Variants in PALB2 observed in about 807,000 individuals in gnomAD.
PALB2 encodes the protein mutant partner and localizer of BRCA2.
A neutral mutation model predicts 107.4 loss-of-function variants in PALB2; 82 were observed. That is an observed-to-expected ratio of 0.76 (90% CI 0.64 to 0.92). The LOEUF is 0.92. PALB2 is among the 40% of genes least tolerant of loss of function. The pLI, the probability that PALB2 is intolerant of heterozygous loss-of-function variation, is 0.00. For synonymous variants in PALB2, 489 were observed against 496.8 expected (o/e 0.98, Z 0.21); for missense variants, 1,374 against 1,379.9 (o/e 1.00, Z 0.07).
chr16:23,608,898 G>A (rs2142279186), intron 11 of PALB2, among the ~76,000 whole-genome samples: 1 of 151,474 alleles, frequency 6.6e-6, no homozygotes, highest in African/African-American at 2.4e-5. Context: ...TGCGATCTCA[G>A]CTCACTGCAA....
At chr16:23,613,920 G>T in intron 11 of PALB2, 84 bp downstream of exon 11, 1 of 1,017,110 alleles carries the variant, frequency 9.8e-7, no homozygotes, top group Non-Finnish European at 1.5e-6. Flanking sequence ...GGGAAGGTTT[G>T]TTCATTACTG....
intron 4 of PALB2, among the ~76,000 whole-genome samples, chr16:23,634,242 T>G (rs1267872030): frequency 6.6e-6 from 1 of 152,250 alleles, no homozygotes. Context: ...TAAAGTTATT[T>G]TAATCTCCCT....
At chr16:23,614,950 T>C (rs990710231) in intron 10 of PALB2, among the ~76,000 whole-genome samples, 2 of 131,448 alleles carry the variant, frequency 1.5e-5, no homozygotes, top group African/African-American at 5.8e-5. Flanking sequence ...GCGCCTGGCC[T>C]TTTTTTTTTT....
intron 6 of PALB2, among the ~76,000 whole-genome samples, chr16:23,627,066 C>CG (rs1380403937): frequency 1.6e-4 from 24 of 152,092 alleles, no homozygotes; most frequent in Admixed American, 6.6e-4. Flanking sequence ...TGTTATTCCT[C>CG]GGAGGGAGTA....
chr16:23,626,109 G>T (rs1231784690), intron 7 of PALB2, 127 bp downstream of exon 7: 4 of 1,087,338 alleles, frequency 3.7e-6, no homozygotes, highest in Non-Finnish European at 5.5e-6. Flanking sequence ...ATAATAAAAT[G>T]TTGGGAAAAA....
intron 11 of PALB2, among the ~76,000 whole-genome samples, chr16:23,612,677 C>A (rs977884093): frequency 1.3e-5 from 2 of 152,088 alleles, no homozygotes; most frequent in Admixed American, 1.3e-4. Flanking sequence ...CAGCTGCATG[C>A]CACCATGCCT....
rs886039480 is a variant in PALB2 at position 23,629,786 on chromosome 16, G to A, written c.2368C>T (p.Gln790Ter). 2 of 1,614,196 alleles carry A rather than the reference G, an allele frequency of 1.2e-6. No individual in the cohort carries two copies. The highest frequency in any genetic ancestry group is 1.7e-6 in the Non-Finnish European group (2 of 1,180,030). ...GSPAKPHTTLQVSGRQGQPTC... is the reference protein window; with the variant it reads ...GSPAKPHTTL ...GGTTGTCCTTGCCTGCCTGACACTT[G>A]CAGGGTGGTATGTGGTTTTGCTGGG... The change falls in exon 5 of 13, where the codon CAA (glutamine) becomes TAA (stop). Residue 790 changes from glutamine to a stop codon, truncating the protein, a stop_gained. Coordinates refer to ENST00000261584, the MANE Select transcript of PALB2 (RefSeq NM_024675.4). LOFTEE classifies it high-confidence loss of function.
chr16:23,637,831 G>T lies in PALB2; in HGVS notation c.211+19C>A. 6.3e-7 allele frequency: 1 copy of T among 1,574,950 alleles called. No homozygotes were observed. ...GAAATGAATAATAAAGCAGGCATAAGTGAATGGTCTAGATTTACCTGAGTG... is the reference window on the plus strand; with the variant it reads ...GAAATGAATAATAAAGCAGGCATAATTGAATGGTCTAGATTTACCTGAGTG... On this transcript the variant is annotated intron_variant, in intron 3 of 12. Coordinates refer to ENST00000261584, the MANE Select transcript of PALB2 (RefSeq NM_024675.4).
chr16:23,614,083 T>A lies in PALB2; in HGVS notation c.3122A>T (p.Lys1041Ile). 1 of 1,606,954 alleles carries A rather than the reference T, an allele frequency of 6.2e-7. No homozygotes were observed. The highest frequency in any genetic ancestry group is 8.5e-7 in the Non-Finnish European group (1 of 1,173,770). ...IMNNIVIWNLKTGQLLKKMHI... is the reference protein window; with the variant it reads ...IMNNIVIWNLITGQLLKKMHI... ...CATCTTTTTCAGGAGTTGACCAGTT[T>A]TTAAATTCCTTAGATAACAAAAATA... is the stretch of plus-strand genomic sequence containing the variant. Residue 1041 changes from lysine to isoleucine, a missense_variant, in exon 11 of 13, where the codon AAA (lysine) becomes ATA (isoleucine). Coordinates refer to ENST00000261584, the MANE Select transcript of PALB2 (RefSeq NM_024675.4).
In PALB2 at chr16:23,638,133, G is replaced by A. The variant is rs762518243; in HGVS notation, c.49-4C>T. ...AGAATGCTAATTTCTCCTTTAACTGGAAGAAGAAAAACACCAACAATACTG... is the reference window on the plus strand; with the variant it reads ...AGAATGCTAATTTCTCCTTTAACTGAAAGAAGAAAAACACCAACAATACTG... On this transcript the variant is annotated splice_region_variant and splice_polypyrimidine_tract_variant and intron_variant, in intron 1 of 12. Transcript: ENST00000261584. 3 of 1,612,874 alleles carry A rather than the reference G, an allele frequency of 1.9e-6. No individual in the cohort carries two copies. In the African/African-American group the frequency reaches 4.0e-5, roughly 22 times the overall value.
At chr16:23,638,176 A>T (rs767374972) in intron 1 of PALB2, 47 bp from the exon 2 acceptor site, 7 of 1,515,012 alleles carry the variant, frequency 4.6e-6, no homozygotes, top group South Asian at 1.1e-5. Context: ...GGAAAGGTGG[A>T]GTCAGAGGGA....
intron 4 of PALB2, among the ~76,000 whole-genome samples, chr16:23,633,853 A>C (rs1278784487): frequency 6.6e-6 from 1 of 151,940 alleles, no homozygotes; most frequent in African/African-American, 2.4e-5. Flanking sequence ...ACAGGCATAT[A>C]CCACCACACC....
intron 4 of PALB2, among the ~76,000 whole-genome samples, chr16:23,631,674 T>C (rs1196172971): frequency 6.6e-6 from 1 of 152,206 alleles, no homozygotes; most frequent in African/African-American, 2.4e-5. Flanking sequence ...TATTTCATTT[T>C]CCCTTTTCTC....
At chr16:23,631,298 A>AC (rs1235462042) in intron 4 of PALB2, among the ~76,000 whole-genome samples, 4 of 146,696 alleles carry the variant, frequency 2.7e-5, no homozygotes, top group Non-Finnish European at 6.0e-5. Context: ...AAAAAAAAAA[A>AC]AAAAAAACTA....
chr16:23,608,749 G>C (rs1247672698), intron 11 of PALB2, among the ~76,000 whole-genome samples: 1 of 149,444 alleles, frequency 6.7e-6, no homozygotes, highest in Non-Finnish European at 1.5e-5. Flanking sequence ...TTCTCTCCTG[G>C]CTTTAAAATT....
In PALB2 at chr16:23,626,344, G is replaced by A. The variant is rs752928633; in HGVS notation, c.2640C>T (p.Ala880=). The change falls in exon 7 of 13, where the codon GCC becomes GCT. Residue 880 remains alanine, a synonymous_variant. Transcript: ENST00000261584. The stretch of plus-strand genomic sequence containing the variant: ...TTATGATACATGGCTCTTTACAACC[G>A]GCTCTTTCCCAAAACATGGCACTCA... The part of the protein sequence containing the change: ...VDVSAMFWER[A]GCKEPCIITA... 7.4e-6 allele frequency: 12 copies of A among 1,613,966 alleles called. No individual in the cohort carries two copies. The highest frequency in any genetic ancestry group is 4.4e-5 in the South Asian group (4 of 91,088).
chr16:23,627,261 G>A (rs544030223), intron 6 of PALB2, among the ~76,000 whole-genome samples: 5 of 151,860 alleles, frequency 3.3e-5, no homozygotes, highest in African/African-American at 1.2e-4. Flanking sequence ...GCCGAGGCGG[G>A]TGGATCATGA....
At chr16:23,624,510 A>G (rs1162399838) in intron 7 of PALB2, among the ~76,000 whole-genome samples, 1 of 152,174 alleles carries the variant, frequency 6.6e-6, no homozygotes, top group African/African-American at 2.4e-5. Flanking sequence ...ACTCTACAGG[A>G]ACAAGGAAAT....
At chr16:23,638,234 C>G in intron 1 of PALB2, 105 bp from the exon 2 acceptor site, 7 of 852,416 alleles carry the variant, frequency 8.2e-6, no homozygotes, top group South Asian at 8.0e-5. Flanking sequence ...CAGGGAGTAG[C>G]ACTGGTCCAT....
Sources: gnomAD v4.1 joint callset for allele counts (sites outside exome capture counted in the v4.1 genomes callset) on GRCh38, gnomAD v4.1.1 for gene constraint, MANE v1.5 for transcripts, NCBI Gene and HGNC (gene_info 2026-07-23, HGNC 2026-07-21) for gene names.